TTC21B: variants seen among roughly 807,000 people sequenced by gnomAD.
TTC21B encodes tetratricopeptide repeat domain 21B.
A neutral mutation model predicts 175.1 loss-of-function variants in TTC21B; 127 were observed. The observed-to-expected ratio is 0.73, with a 90% CI of 0.63 to 0.84. TTC21B has a LOEUF of 0.84. TTC21B is among the 40% of genes least tolerant of loss of function. The probability of loss-of-function intolerance (pLI) is 0.00; values close to 1 mark genes in which losing one functional copy is unlikely to be tolerated. For missense variants in TTC21B, 1,561 were observed against 1,558.3 expected (o/e 1.00, Z -0.03); for synonymous variants, 524 against 524.5 (o/e 1.00, Z 0.01).
chr2:165,929,814 C>T, intron 9 of TTC21B, 67 bp from the exon 10 acceptor site: 1 of 1,016,348 alleles, frequency 9.8e-7, no homozygotes, highest in Admixed American at 1.7e-5. Flanking sequence ...TTCAAGCTAA[C>T]ATAACAACAT....
At chr2:165,892,503 T>C (rs1217131441) in intron 22 of TTC21B, among the ~76,000 whole-genome samples, 5 of 152,148 alleles carry the variant, frequency 3.3e-5, no homozygotes, top group Non-Finnish European at 5.9e-5. Flanking sequence ...ATGTAGTATG[T>C]ACATATAAAG....
intron 12 of TTC21B, among the ~76,000 whole-genome samples, chr2:165,920,147 C>T (rs1005014384): frequency 1.1e-4 from 17 of 152,174 alleles, no homozygotes; most frequent in African/African-American, 2.9e-4. Context: ...TGATGTAACC[C>T]GCACTGATCT....
chr2:165,928,544 A>G (rs1382218752), intron 11 of TTC21B, among the ~76,000 whole-genome samples: 5 of 152,088 alleles, frequency 3.3e-5, no homozygotes, highest in African/African-American at 4.8e-5. Context: ...ATTTCATATA[A>G]AACATAAATG....
chr2:165,915,329 A>T lies in TTC21B; in HGVS notation c.2010T>A (p.Ile670=), dbSNP rs757679360. 58 of 1,614,010 alleles carry T rather than the reference A, an allele frequency of 3.6e-5. No individual in the cohort carries two copies. In the South Asian group the frequency reaches 6.4e-4, roughly 18 times the overall value. ...NADLALAQGD[I]ERALSILQNV... ...TCTGAAGGATGCTTAAAGCCCGTTC[A>T]ATATCTCCTTGGGCTAGAGCAAGGT... The change falls in exon 15 of 29, where the codon ATT becomes ATA. Residue 670 remains isoleucine (I), a synonymous_variant. Coordinates refer to ENST00000243344, the MANE Select transcript of TTC21B (RefSeq NM_024753.5).
At chr2:165,891,680 G>C (rs114721381) in intron 22 of TTC21B, among the ~76,000 whole-genome samples, 2,659 of 151,422 alleles carry the variant, frequency 0.018, 92 homozygotes, top group African/African-American at 0.061. Flanking sequence ...ATTCTATCTA[G>C]TTCTCTCTTA....
intron 8 of TTC21B, 36 bp from the exon 9 acceptor site, chr2:165,930,400 T>C: frequency 2.1e-6 from 3 of 1,449,042 alleles, no homozygotes; most frequent in Non-Finnish European, 2.9e-6. Context: ...GATTTCAAAG[T>C]CTAACATTTC....
chr2:165,916,927 A>G (rs769453544), intron 14 of TTC21B, among the ~76,000 whole-genome samples: 1 of 152,108 alleles, frequency 6.6e-6, no homozygotes, highest in Non-Finnish European at 1.5e-5. Context: ...CCCAGGCTGG[A>G]GTGCAGTGGC....
At chr2:165,880,383 T>C (rs1476518638) in intron 27 of TTC21B, among the ~76,000 whole-genome samples, 1 of 152,176 alleles carries the variant, frequency 6.6e-6, no homozygotes, top group African/African-American at 2.4e-5. Flanking sequence ...GAAACATCTT[T>C]TTCCATGGCA....
At chr2:165,933,206 A>G (rs979965692) in intron 6 of TTC21B, 149 bp from the exon 7 acceptor site, 1 of 631,780 alleles carries the variant, frequency 1.6e-6, no homozygotes, top group Admixed American at 2.8e-5. Context: ...TGTGAAAATT[A>G]TCAACTTTAT....
chr2:165,953,250 C>G (rs985260981), intron 1 of TTC21B, among the ~76,000 whole-genome samples: 1 of 152,212 alleles, frequency 6.6e-6, no homozygotes, highest in Non-Finnish European at 1.5e-5. Flanking sequence ...ATAACGACCC[C>G]TCCACTTTTA....
chr2:165,924,085 A>T (rs916108503), intron 12 of TTC21B, among the ~76,000 whole-genome samples: 1 of 152,078 alleles, frequency 6.6e-6, no homozygotes, highest in Non-Finnish European at 1.5e-5. Context: ...AAAGTCAGGC[A>T]TTTGTCTGTG....
intron 14 of TTC21B, among the ~76,000 whole-genome samples, chr2:165,916,520 T>A (rs1686182498): frequency 1.3e-5 from 2 of 152,194 alleles, no homozygotes; most frequent in African/African-American, 4.8e-5. Flanking sequence ...TTACCAAAGC[T>A]GTATTCATCA....
intron 17 of TTC21B, among the ~76,000 whole-genome samples, chr2:165,912,196 T>C (rs1448627460): frequency 6.6e-6 from 1 of 152,102 alleles, no homozygotes; most frequent in Non-Finnish European, 1.5e-5. Context: ...CAAAAATTGG[T>C]GCAACAGAAA....
rs1553505260 is a variant in TTC21B, at chr2:165,880,723, T to C, written c.3761A>G (p.Tyr1254Cys). ...EQAYTDAALN[Y>C]EMAWKYSNRT... ...ATTGCTATATTTCCATGCCATCTCA[T>C]AGTTCAAGGCAGCATCTGTATATGC... is the stretch of plus-strand genomic sequence containing the variant. Residue 1254 changes from tyrosine (Y) to cysteine (C), a missense_variant, in exon 27 of 29, where the codon TAT (tyrosine) becomes TGT (cysteine). Transcript: ENST00000243344. The C allele has an allele frequency of 1.9e-6, 3 of 1,613,646 alleles. No homozygotes were observed. The highest frequency in any genetic ancestry group is 1.7e-6 in the Non-Finnish European group (2 of 1,179,814).
At chr2:165,927,335 TATA>T (rs1686712292) in intron 11 of TTC21B, among the ~76,000 whole-genome samples, 1 of 92,026 alleles carries the variant, frequency 1.1e-5, no homozygotes, top group Non-Finnish European at 2.3e-5. Context: ...ATATATAATA[TATA>T]ATATATATAT....
In TTC21B at chr2:165,912,548, C is replaced by T. The variant is rs754922610; in HGVS notation, c.2288G>A (p.Gly763Asp). Reference protein sequence around the residue: ...PKDGTLASKMGKALIKTHNYS... With the variant: ...PKDGTLASKMDKALIKTHNYS... ...GTTATGAGTTTTGATAAGTGCTTTG[C>T]CCATTTTGCTTGCCAATGTTCCATC... The change falls in exon 17 of 29, where the codon GGC becomes GAC. Residue 763 changes from glycine to aspartate, a missense_variant. Physicochemically the swap from Gly to Asp is moderately conservative, Grantham distance 94. Transcript: ENST00000243344. 29 of 1,613,970 alleles carry T rather than the reference C, an allele frequency of 1.8e-5. No homozygotes were observed. The highest frequency in any genetic ancestry group is 2.4e-5 in the Non-Finnish European group (28 of 1,179,930).
intron 17 of TTC21B, 27 bp from the exon 18 acceptor site, chr2:165,911,492 G>T (rs375291813): frequency 3.7e-6 from 6 of 1,613,170 alleles, no homozygotes; most frequent in Non-Finnish European, 5.1e-6. Flanking sequence ...CCATTTAAGG[G>T]AACAAGGCAA....
intron 9 of TTC21B, 44 bp downstream of exon 9, chr2:165,930,128 A>G (rs1686832000): frequency 8.3e-6 from 13 of 1,568,186 alleles, no homozygotes; most frequent in Non-Finnish European, 9.6e-6. Flanking sequence ...AGCAATTGCT[A>G]CTTGTATCTA....
chr2:165,930,732 G>GTGTGTGTGTGTGTGTGTGT lies in TTC21B; in HGVS notation c.895-369_895-368insACACACACACACACACACA. 2.0e-3 allele frequency among the ~76,000 whole-genome samples: 225 copies of GTGTGTGTGTGTGTGTGTGT among 110,692 alleles called. 19 individuals are homozygous for GTGTGTGTGTGTGTGTGTGT. The highest frequency in any genetic ancestry group is 4.5e-3 in the Middle Eastern group (1 of 222). 72.6% of individuals were successfully genotyped at this position (110,692 alleles called of 152,430 possible). ...TATTTTATGGTTACGTGGGTATGGG[G>GTGTGTGTGTGTGTGTGTGT]GTGTGTGTGTGTGTGTGTGTGTGTG... On this transcript the variant is annotated intron_variant, in intron 8 of 28. Coordinates refer to ENST00000243344, the MANE Select transcript of TTC21B (RefSeq NM_024753.5).
Sources: gnomAD v4.1 joint callset for allele counts (sites outside exome capture counted in the v4.1 genomes callset) on GRCh38, gnomAD v4.1.1 for gene constraint, MANE v1.5 for transcripts, NCBI Gene and HGNC (gene_info 2026-07-23, HGNC 2026-07-21) for gene names.